The following NIN variants were observed in gnomAD, a reference collection of about 807,000 sequenced individuals.
NIN encodes the protein glycogen synthase kinase 3 beta-interacting protein.
A neutral mutation model predicts 257.6 loss-of-function variants in NIN; 137 were observed. The observed-to-expected ratio is 0.53, with a 90% confidence interval of 0.46 to 0.61. The LOEUF is 0.61. Ranked by LOEUF, NIN falls within the 20% of genes least tolerant of loss-of-function variation. The probability of loss-of-function intolerance (pLI) is 0.00; values close to 1 mark genes in which losing one functional copy is unlikely to be tolerated. For missense variants in NIN, 2,439 were observed against 2,501.2 expected (o/e 0.98, Z 0.53); for synonymous variants, 918 against 919.8 (o/e 1.00, Z 0.04).
intron 18 of NIN, among the ~76,000 whole-genome samples, chr14:50,756,147 CTT>C (rs1344930450): frequency 1.0e-5 from 1 of 98,336 alleles, no homozygotes; most frequent in Non-Finnish European, 2.0e-5. Context: ...GAAAGTAACA[CTT>C]AGCAAAATAA....
intron 2 of NIN, among the ~76,000 whole-genome samples, chr14:50,828,420 A>G (rs1006952063): frequency 6.6e-6 from 1 of 152,220 alleles, no homozygotes; most frequent in Non-Finnish European, 1.5e-5. Context: ...TCTTTTCAAA[A>G]TTCTATTTTA....
chr14:50,754,337 T>A (rs1797505503), intron 20 of NIN, among the ~76,000 whole-genome samples: 1 of 152,202 alleles, frequency 6.6e-6, no homozygotes, highest in Non-Finnish European at 1.5e-5. Flanking sequence ...GATAAAGCTT[T>A]ATCAAGCACT....
chr14:50,817,838 C>G (rs2044985221), intron 3 of NIN, among the ~76,000 whole-genome samples: 1 of 152,030 alleles, frequency 6.6e-6, no homozygotes, highest in African/African-American at 2.4e-5. Flanking sequence ...GTCTCAGCCT[C>G]CCGAGTAGCT....
At chr14:50,740,636 C>A (rs1484122409) in intron 25 of NIN, among the ~76,000 whole-genome samples, 2 of 152,168 alleles carry the variant, frequency 1.3e-5, no homozygotes, top group Non-Finnish European at 2.9e-5. Flanking sequence ...GCGTGAGCCA[C>A]CATGCCTGGC....
intron 9 of NIN, chr14:50,772,033 A>C: frequency 3.0e-6 from 1 of 332,222 alleles, no homozygotes; most frequent in Non-Finnish European, 5.5e-6. Flanking sequence ...CAACAACAAC[A>C]ACAACAACAC....
chr14:50,800,360 T>A (rs1234067460), intron 4 of NIN, among the ~76,000 whole-genome samples: 1 of 152,170 alleles, frequency 6.6e-6, no homozygotes, highest in Non-Finnish European at 1.5e-5. Flanking sequence ...CTGAAGTATA[T>A]CAGTTGAACA....
At chr14:50,735,733 A>C in intron 27 of NIN, 116 bp from the exon 28 acceptor site, 1 of 1,291,504 alleles carries the variant, frequency 7.7e-7, no homozygotes, top group South Asian at 1.6e-5. Context: ...AAGAAAGCCA[A>C]GTTAATTCAG....
intron 17 of NIN, among the ~76,000 whole-genome samples, chr14:50,759,335 C>A (rs189618855): frequency 6.6e-6 from 1 of 152,214 alleles, no homozygotes; most frequent in African/African-American, 2.4e-5. Flanking sequence ...GGAATACTTT[C>A]CTCTTTTACA....
chr14:50,747,956 G>A, intron 22 of NIN, 36 bp downstream of exon 22: 5 of 1,389,894 alleles, frequency 3.6e-6, no homozygotes, highest in Non-Finnish European at 5.1e-6. Flanking sequence ...GGTACATATT[G>A]TTCTGTGAAC....
chr14:50,825,234 A>G (rs1422293322), intron 2 of NIN, among the ~76,000 whole-genome samples: 1 of 152,252 alleles, frequency 6.6e-6, no homozygotes, highest in Non-Finnish European at 1.5e-5. Context: ...TTATCTACAG[A>G]TCTACCTCCA....
chr14:50,765,980 C>T (rs2042469169), intron 14 of NIN, among the ~76,000 whole-genome samples: 1 of 151,306 alleles, frequency 6.6e-6, no homozygotes, highest in African/African-American at 2.4e-5. Context: ...GGTATATCTC[C>T]CGGTGCTATC....
At chr14:50,734,835 C>G (rs573774563) in intron 28 of NIN, among the ~76,000 whole-genome samples, 2 of 151,418 alleles carry the variant, frequency 1.3e-5, no homozygotes, top group Admixed American at 1.3e-4. Context: ...TGCCACCACA[C>G]CTGGCTAATT....
At chr14:50,724,649 T>TG (rs1219746193) in intron 30 of NIN, among the ~76,000 whole-genome samples, 1 of 152,216 alleles carries the variant, frequency 6.6e-6, no homozygotes, top group Non-Finnish European at 1.5e-5. Flanking sequence ...CCTACTGTCC[T>TG]GTTCCCCCTT....
At chr14:50,748,137 AC>A (rs1252309017) in intron 21 of NIN, 32 bp from the exon 22 acceptor site, 1 of 1,445,654 alleles carries the variant, frequency 6.9e-7, no homozygotes, top group Admixed American at 1.7e-5. Flanking sequence ...CAAATAACAG[AC>A]ATACATATTT....
chr14:50,748,903 T>C (rs1214896545), intron 21 of NIN, among the ~76,000 whole-genome samples: 1 of 152,226 alleles, frequency 6.6e-6, no homozygotes, highest in Admixed American at 6.5e-5. Flanking sequence ...ATTTATAGAT[T>C]CGGTGCTATT....
In NIN at chr14:50,770,939, T is replaced by C; in HGVS notation, c.1172A>G (p.Asp391Gly). The C allele has an allele frequency of 3.1e-6, 5 of 1,614,208 alleles. No homozygotes were observed. Among genetic ancestry groups the C allele is most frequent in the Non-Finnish European group, 4.2e-6 (5 of 1,180,036 alleles). Residue 391 changes from aspartate to glycine, a missense_variant, in exon 11 of 31, where the codon GAC becomes GGC. Transcript: ENST00000530997. ...REKEKLRSDL[D>G]KAEKLKSLMA... The stretch of plus-strand genomic sequence containing the variant: ...TAAAGACTTGAGCTTCTCGGCCTTG[T>C]CCAGATCTGACCGTAGCTTCTCTTT...
chr14:50,813,639 A>G (rs2044744722), intron 3 of NIN, among the ~76,000 whole-genome samples: 1 of 152,224 alleles, frequency 6.6e-6, no homozygotes, highest in South Asian at 2.1e-4. Flanking sequence ...ACACAAAAAA[A>G]CCCTGTAACA....
At chr14:50,744,118 G>C (rs1006233440) in intron 23 of NIN, 125 bp downstream of exon 23, 33 of 988,880 alleles carry the variant, frequency 3.3e-5, no homozygotes, top group Admixed American at 7.1e-5. Context: ...CCAAAGAAAT[G>C]CTGCTCCAGG....
At chr14:50,742,637 G>A (rs563718411) in intron 24 of NIN, among the ~76,000 whole-genome samples, 136 of 151,988 alleles carry the variant, frequency 8.9e-4, no homozygotes, top group Non-Finnish European at 1.6e-3. Context: ...CTCGTGATCC[G>A]CCTGCCTCAG....
Sources: allele counts gnomAD v4.1 joint callset (sites outside exome capture counted in the v4.1 genomes callset), GRCh38; gene constraint gnomAD v4.1.1; transcripts MANE v1.5; gene names NCBI Gene and HGNC (gene_info 2026-07-23, HGNC 2026-07-21).